GPHN: variants seen among roughly 807,000 people sequenced by gnomAD.
GPHN encodes the protein gephyrin.
GPHN carries 17 observed loss-of-function variants against 95.5 expected under a neutral mutation model. The ratio of observed to expected loss-of-function variants is 0.18; its 90% CI spans 0.12 to 0.27. GPHN has a LOEUF of 0.27. GPHN is among the 10% of genes least tolerant of loss of function. The pLI is 1.00. For missense variants in GPHN, 660 were observed against 978.1 expected (o/e 0.67, Z 4.34); for synonymous variants, 320 against 322.5 (o/e 0.99, Z 0.08).
At chr14:67,320,149 T>C in the GPHN span, 17 of 1,315,664 alleles carry the variant, frequency 1.3e-5, no homozygotes, top group Middle Eastern at 2.0e-4. Flanking sequence ...TGTCTAATTT[T>C]GGGTGAAGAT....
intron 1 of GPHN, among the ~76,000 whole-genome samples, chr14:66,563,870 TCTTGCTTACTGACAAAAC>T (rs1307569709): frequency 5.3e-5 from 8 of 152,214 alleles, no homozygotes; most frequent in Non-Finnish European, 5.9e-5. Flanking sequence ...GTCTGGCTTT[TCTTGCTTACTGACAAAAC>T]CTTGGTTCTG....
At chr14:67,067,339 A>C (rs1595009470) in intron 11 of GPHN, among the ~76,000 whole-genome samples, 1 of 152,124 alleles carries the variant, frequency 6.6e-6, no homozygotes, top group South Asian at 2.1e-4. Flanking sequence ...TCCCAGAGGG[A>C]CACCTGCCTG....
At chr14:66,578,653 T>G (rs1163479680) in intron 1 of GPHN, among the ~76,000 whole-genome samples, 5 of 37,068 alleles carry the variant, frequency 1.3e-4, no homozygotes, top group African/African-American at 3.1e-4. Flanking sequence ...AGGGATAGAG[T>G]GAAAAAAAAA....
intron 5 of GPHN, among the ~76,000 whole-genome samples, chr14:66,892,030 CTG>C (rs969044469): frequency 1.3e-5 from 2 of 152,120 alleles, no homozygotes; most frequent in Non-Finnish European, 1.5e-5. Flanking sequence ...GGATGTAAAA[CTG>C]TGCAACTGCT....
the GPHN span, among the ~76,000 whole-genome samples, chr14:67,601,562 A>T: frequency 6.6e-6 from 1 of 152,152 alleles, no homozygotes; most frequent in African/African-American, 2.4e-5. Context: ...TATGAGTTCC[A>T]TTTTTACTTC....
intron 1 of GPHN, among the ~76,000 whole-genome samples, chr14:66,656,356 C>T (rs1595428161): frequency 6.6e-6 from 1 of 152,090 alleles, no homozygotes; most frequent in African/African-American, 2.4e-5. Context: ...GCCTGTGTCT[C>T]TTAGGTTAAC....
In GPHN at chr14:66,611,224, C is replaced by T. The variant is rs79489500; in HGVS notation, c.65-69883C>T. The stretch of plus-strand genomic sequence containing the variant: ...AGTTACATGTTTCCCTCTTTTTGTT[C>T]GTTAGAAGTTACATGAGGGCAGTTA... On this transcript the variant is annotated intron_variant, in intron 1 of 22. Transcript: ENST00000478722. Among the ~76,000 whole-genome samples, 63 of 152,062 alleles carry T rather than the reference C, an allele frequency of 4.1e-4. 1 individual carries two copies. In the East Asian group the frequency reaches 0.012, roughly 28 times the overall value.
Position 67,163,572 on chromosome 14 carries a change from T to C in GPHN, c.1911-1590T>C, listed in dbSNP as rs528818403. Reference sequence around the variant, plus strand: ...AACAACCCATAGTACTCTTGTGACCTAACATCACTGTATTACAGCAGAGTA... The same window carrying C: ...AACAACCCATAGTACTCTTGTGACCCAACATCACTGTATTACAGCAGAGTA... On this transcript the variant is annotated intron_variant, in intron 19 of 22. Transcript: ENST00000478722. Among the ~76,000 whole-genome samples, 13 of 152,254 alleles carry C rather than the reference T, an allele frequency of 8.5e-5. No individual in the cohort carries two copies. In the South Asian group the frequency reaches 2.7e-3, roughly 31 times the overall value.
the GPHN span, among the ~76,000 whole-genome samples, chr14:67,347,943 A>G: frequency 3.4e-5 from 5 of 148,808 alleles, no homozygotes; most frequent in Non-Finnish European, 5.9e-5. Flanking sequence ...ACAGAGTCTC[A>G]CTCTGTCGCC....
intron 4 of GPHN, among the ~76,000 whole-genome samples, chr14:66,849,175 G>A (rs2062470584): frequency 6.6e-6 from 1 of 151,854 alleles, no homozygotes; most frequent in African/African-American, 2.4e-5. Context: ...CTTTACTCCA[G>A]ATCCCTTGCT....
At chr14:67,065,113 A>G (rs1247600105) in intron 11 of GPHN, among the ~76,000 whole-genome samples, 2 of 152,222 alleles carry the variant, frequency 1.3e-5, no homozygotes, top group African/African-American at 4.8e-5. Flanking sequence ...AATGTGTCCC[A>G]GAGATTCTGG....
chr14:66,874,197 G>C (rs1382608093), intron 4 of GPHN, among the ~76,000 whole-genome samples: 2 of 152,114 alleles, frequency 1.3e-5, no homozygotes, highest in Non-Finnish European at 2.9e-5. Context: ...TGAACAGAGA[G>C]GAATAGCATC....
the GPHN span, among the ~76,000 whole-genome samples, chr14:67,457,133 G>A: frequency 1.3e-5 from 2 of 152,188 alleles, no homozygotes; most frequent in Admixed American, 6.5e-5. Context: ...ACTTGAGGGT[G>A]GAGGGTAGGA....
the GPHN span, among the ~76,000 whole-genome samples, chr14:67,411,716 A>G: frequency 3.9e-5 from 6 of 152,232 alleles, no homozygotes; most frequent in Non-Finnish European, 5.9e-5. Context: ...ATATCATACC[A>G]TTCATAATAT....
the GPHN span, among the ~76,000 whole-genome samples, chr14:67,355,666 A>G: frequency 4.6e-5 from 7 of 151,944 alleles, no homozygotes; most frequent in African/African-American, 7.3e-5. Context: ...TCAGGCAGGA[A>G]AAAGAGCTAA....
the GPHN span, among the ~76,000 whole-genome samples, chr14:67,202,298 G>A: frequency 3.9e-5 from 6 of 152,174 alleles, no homozygotes; most frequent in Middle Eastern, 3.4e-3. Flanking sequence ...AAAATTAGCC[G>A]GGCTTGGTGG....
Position 66,878,852 on chromosome 14 carries a change from A to G in GPHN, c.295-1087A>G, listed in dbSNP as rs559754067. 4.6e-5 allele frequency among the ~76,000 whole-genome samples: 7 copies of G among 151,836 alleles called. No homozygotes were observed. The East Asian group carries it at 1.4e-3, about 29-fold the overall frequency. On this transcript the variant is annotated intron_variant, in intron 4 of 22. Coordinates refer to ENST00000478722, the MANE Select transcript of GPHN (RefSeq NM_020806.5). ...ACCCAGAAATACCATTTGACCCATT[A>G]CTGGGTATATACCCAAAATATTATA...
intron 3 of GPHN, among the ~76,000 whole-genome samples, chr14:66,806,773 C>T (rs543768453): frequency 6.6e-6 from 1 of 152,172 alleles, no homozygotes; most frequent in African/African-American, 2.4e-5. Flanking sequence ...ACTTTATTGT[C>T]CATATTGCTA....
the GPHN span, among the ~76,000 whole-genome samples, chr14:67,715,802 C>T: frequency 6.6e-6 from 1 of 152,186 alleles, no homozygotes; most frequent in Non-Finnish European, 1.5e-5. Context: ...ACCATATTCA[C>T]CACTATTTAT....
Sources: allele counts gnomAD v4.1 joint callset (sites outside exome capture counted in the v4.1 genomes callset), GRCh38; gene constraint gnomAD v4.1.1; transcripts MANE v1.5; gene names NCBI Gene and HGNC (gene_info 2026-07-23, HGNC 2026-07-21).